Variants in CTNNA2 observed in about 807,000 individuals in gnomAD.
CTNNA2 encodes catenin alpha 2, also known as catenin alpha-2.
CTNNA2 carries 42 observed loss-of-function variants against 101.0 expected under a neutral mutation model. The observed-to-expected ratio is 0.42, with a 90% CI of 0.32 to 0.54. The LOEUF (loss-of-function observed/expected upper bound fraction) is 0.54. Among genes scored for constraint, CTNNA2 ranks in the 20% least tolerant of loss-of-function variants. The pLI is 0.14. For synonymous variants in CTNNA2, 450 were observed against 456.4 expected (o/e 0.99, Z 0.18); for missense variants, 871 against 1,223.1 (o/e 0.71, Z 4.29).
At chr2:80,213,376 C>G (rs1472149187) in intron 7 of CTNNA2, among the ~76,000 whole-genome samples, 2 of 152,136 alleles carry the variant, frequency 1.3e-5, no homozygotes, top group Non-Finnish European at 2.9e-5. Context: ...CCTCTACACA[C>G]TGCTTTAAAT....
chr2:79,889,722 G>A (rs1684173032), intron 6 of CTNNA2, among the ~76,000 whole-genome samples: 1 of 152,174 alleles, frequency 6.6e-6, no homozygotes, highest in Admixed American at 6.5e-5. Context: ...TAATAGACGT[G>A]TTGGCCAGAC....
chr2:79,515,475 A>T (rs1162111078), intron 1 of CTNNA2, among the ~76,000 whole-genome samples: 3 of 152,086 alleles, frequency 2.0e-5, no homozygotes, highest in African/African-American at 7.2e-5. Context: ...TCTTTGTTGC[A>T]GTTTTTCTGC....
intron 2 of CTNNA2, among the ~76,000 whole-genome samples, chr2:79,297,547 G>C (rs1573049664): frequency 6.6e-6 from 1 of 152,240 alleles, no homozygotes; most frequent in East Asian, 1.9e-4. Context: ...TTCATTTTGT[G>C]ATTTCCTCTC....
rs1317833340 is a variant in CTNNA2, at chr2:80,048,072, TA to T, written c.1056+138277del. Among the ~76,000 whole-genome samples the T allele has an allele frequency of 2.0e-5, 3 of 152,026 alleles. No individual in the cohort carries two copies. The East Asian group carries it at 5.8e-4, about 29-fold the overall frequency. Reference sequence around the variant, plus strand: ...GCCGCTATGGGTCACTTGATGAAAATAATGGTTTAAAGACAGTTGTAAAGAA... The same window carrying T: ...GCCGCTATGGGTCACTTGATGAAAATATGGTTTAAAGACAGTTGTAAAGAA... On this transcript the variant is annotated intron_variant, in intron 7 of 18. Coordinates refer to ENST00000402739, the MANE Select transcript of CTNNA2 (RefSeq NM_001282597.3).
At chr2:79,268,533 G>A (rs904944478) in intron 2 of CTNNA2, among the ~76,000 whole-genome samples, 1 of 152,110 alleles carries the variant, frequency 6.6e-6, no homozygotes, top group African/African-American at 2.4e-5. Context: ...CTCAAGAGGG[G>A]GTGAGGGGAA....
chr2:79,774,711 G>A (rs866370748), intron 3 of CTNNA2, among the ~76,000 whole-genome samples: 2 of 152,132 alleles, frequency 1.3e-5, no homozygotes, highest in South Asian at 2.1e-4. Context: ...ACAAAACAGG[G>A]TGGTAAGATT....
chr2:79,991,605 A>G (rs1692186594), intron 7 of CTNNA2, among the ~76,000 whole-genome samples: 1 of 152,214 alleles, frequency 6.6e-6, no homozygotes, highest in East Asian at 1.9e-4. Context: ...TCAACAAACT[A>G]TAAATGTGTT....
chr2:80,332,393 G>T (rs1032628767), intron 7 of CTNNA2, among the ~76,000 whole-genome samples: 5 of 152,132 alleles, frequency 3.3e-5, no homozygotes, highest in African/African-American at 1.2e-4. Context: ...TGTAGGTCAT[G>T]CTGTGTAGGC....
chr2:79,383,845 G>C (rs1486541585), intron 4 of CTNNA2, among the ~76,000 whole-genome samples: 3 of 152,106 alleles, frequency 2.0e-5, no homozygotes, highest in Admixed American at 6.5e-5. Context: ...CACCTTTCTG[G>C]ATGACAGCAA....
chr2:79,639,315 C>T (rs894141648), intron 1 of CTNNA2, among the ~76,000 whole-genome samples: 4 of 152,126 alleles, frequency 2.6e-5, no homozygotes, highest in Non-Finnish European at 5.9e-5. Context: ...AGCTTGCACA[C>T]AATGGGTAGT....
chr2:80,509,663 G>A (rs1016898577), intron 9 of CTNNA2, among the ~76,000 whole-genome samples: 1 of 152,150 alleles, frequency 6.6e-6, no homozygotes, highest in African/African-American at 2.4e-5. Flanking sequence ...GGAACCCAGG[G>A]CCCTTCTATC....
chr2:80,454,586 A>G (rs1161166192), intron 9 of CTNNA2, among the ~76,000 whole-genome samples: 1 of 152,184 alleles, frequency 6.6e-6, no homozygotes, highest in Non-Finnish European at 1.5e-5. Context: ...CAGCTCAGAG[A>G]TTGAATTCTT....
chr2:79,773,498 A>G (rs112855353), intron 3 of CTNNA2, among the ~76,000 whole-genome samples: 5,159 of 152,204 alleles, frequency 0.034, 300 homozygotes, highest in African/African-American at 0.12. Context: ...AAAAATGGTT[A>G]CATTCTTTTG....
At chr2:80,610,446 G>GT (rs200758740) in intron 17 of CTNNA2, among the ~76,000 whole-genome samples, 2,147 of 151,286 alleles carry the variant, frequency 0.014, 37 homozygotes, top group African/African-American at 0.036. Context: ...CAAAGTTGCT[G>GT]TTTTTTTTCA....
chr2:80,558,357 G>A (rs1693229372), intron 12 of CTNNA2, among the ~76,000 whole-genome samples: 1 of 152,120 alleles, frequency 6.6e-6, no homozygotes, highest in African/African-American at 2.4e-5. Flanking sequence ...GAATTGCTGG[G>A]GAATGTGCTT....
intron 3 of CTNNA2, among the ~76,000 whole-genome samples, chr2:79,325,440 A>G (rs1676724706): frequency 6.6e-6 from 1 of 152,158 alleles, no homozygotes; most frequent in Admixed American, 6.6e-5. Flanking sequence ...TTCAAATAGC[A>G]TTTCGGGATT....
intron 7 of CTNNA2, among the ~76,000 whole-genome samples, chr2:79,939,988 A>G (rs1688044014): frequency 6.6e-6 from 1 of 152,108 alleles, no homozygotes; most frequent in Admixed American, 6.5e-5. Context: ...GCTACTTGGG[A>G]GGCTGAGGCA....
intron 7 of CTNNA2, among the ~76,000 whole-genome samples, chr2:80,042,668 G>C (rs189813658): frequency 6.6e-6 from 1 of 152,348 alleles, no homozygotes; most frequent in East Asian, 1.9e-4. Flanking sequence ...ATAGTTAGGT[G>C]TGAGAAGAGC....
chr2:79,959,078 G>A (rs904135151), intron 7 of CTNNA2, among the ~76,000 whole-genome samples: 1 of 151,628 alleles, frequency 6.6e-6, no homozygotes, highest in Non-Finnish European at 1.5e-5. Context: ...TTTTCTGGAG[G>A]CAGGGTCTCA....
Sources: gnomAD v4.1 joint callset for allele counts (sites outside exome capture counted in the v4.1 genomes callset) on GRCh38, gnomAD v4.1.1 for gene constraint, MANE v1.5 for transcripts, NCBI Gene and HGNC (gene_info 2026-07-23, HGNC 2026-07-21) for gene names.